CAB39L: variants seen among roughly 807,000 people sequenced by gnomAD.
CAB39L encodes calcium binding protein 39 like.
In CAB39L, 23 loss-of-function variants were observed where a neutral mutation model predicts 39.1. That is an observed-to-expected ratio of 0.59 (90% CI 0.42 to 0.83). The LOEUF (loss-of-function observed/expected upper bound fraction) is 0.83. CAB39L is among the 40% of genes least tolerant of loss of function. The pLI, the probability that CAB39L is intolerant of heterozygous loss-of-function variation, is 0.00. For synonymous variants in CAB39L, 126 were observed against 137.2 expected, an observed-to-expected ratio of 0.92 and a Z score of 0.57; for missense variants, 366 against 391.9, an observed-to-expected ratio of 0.93 and a Z score of 0.56.
chr13:49,328,228 G>A (rs544289981), intron 10 of CAB39L, among the ~76,000 whole-genome samples: 117 of 152,282 alleles, frequency 7.7e-4, no homozygotes, highest in African/African-American at 2.7e-3. Context: ...GTGTATGACA[G>A]CTCCCACTGC....
intron 10 of CAB39L, among the ~76,000 whole-genome samples, chr13:49,316,454 AACACT>A (rs1954160552): frequency 2.0e-5 from 3 of 152,220 alleles, no homozygotes; most frequent in Non-Finnish European, 4.4e-5. Flanking sequence ...AAGAAATGGG[AACACT>A]TCCTAACTTA....
chr13:49,414,947 A>T (rs1478553261), intron 3 of CAB39L, among the ~76,000 whole-genome samples: 3 of 152,206 alleles, frequency 2.0e-5, no homozygotes, highest in Non-Finnish European at 2.9e-5. Context: ...TAATCCCAGC[A>T]CTTTGGGAGG....
chr13:49,316,297 CAG>C (rs1401854500), intron 10 of CAB39L, among the ~76,000 whole-genome samples: 1 of 152,108 alleles, frequency 6.6e-6, no homozygotes, highest in African/African-American at 2.4e-5. Flanking sequence ...CAAGAAGAAA[CAG>C]AGAATCTGCA....
intron 1 of CAB39L, among the ~76,000 whole-genome samples, chr13:49,439,921 GTTTT>G (rs34993624): frequency 3.8e-5 from 3 of 78,584 alleles, no homozygotes; most frequent in Admixed American, 1.8e-4. Flanking sequence ...TTTTTAATGG[GTTTT>G]TTTTTTTTTT....
At chr13:49,348,919 C>A (rs1305068886) in intron 7 of CAB39L, among the ~76,000 whole-genome samples, 1 of 152,160 alleles carries the variant, frequency 6.6e-6, no homozygotes. Context: ...ACGCCCCGTC[C>A]CTCACCCTCC....
At chr13:49,345,725 G>C (rs1198503) in intron 7 of CAB39L, among the ~76,000 whole-genome samples, 66,021 of 151,714 alleles carry the variant, frequency 0.44, 15,026 homozygotes, top group Middle Eastern at 0.56. Flanking sequence ...GGCAGAGGGA[G>C]CCCCCTCTAT....
At chr13:49,391,871 C>G (rs901230280) in intron 3 of CAB39L, among the ~76,000 whole-genome samples, 1 of 151,620 alleles carries the variant, frequency 6.6e-6, no homozygotes, top group Non-Finnish European at 1.5e-5. Flanking sequence ...ATAAGAGCAA[C>G]CAATAATTAC....
At chr13:49,383,908 C>T (rs1265953130) in intron 3 of CAB39L, among the ~76,000 whole-genome samples, 1 of 152,192 alleles carries the variant, frequency 6.6e-6, no homozygotes, top group African/African-American at 2.4e-5. Flanking sequence ...GAGTCCTAAT[C>T]TTTTTGCTGG....
At chr13:49,344,383 C>G in intron 7 of CAB39L, 145 bp from the exon 8 acceptor site, 1 of 579,384 alleles carries the variant, frequency 1.7e-6, no homozygotes, top group Non-Finnish European at 3.0e-6. Context: ...CTAGCTTAGC[C>G]TAAGATGTGA....
At chr13:49,335,790 A>G (rs1386361584) in intron 9 of CAB39L, among the ~76,000 whole-genome samples, 1 of 152,196 alleles carries the variant, frequency 6.6e-6, no homozygotes, top group Non-Finnish European at 1.5e-5. Flanking sequence ...CACATGATGG[A>G]AAGGAATTTC....
intron 4 of CAB39L, among the ~76,000 whole-genome samples, chr13:49,378,587 G>A (rs1339240501): frequency 4.1e-5 from 3 of 73,078 alleles, no homozygotes; most frequent in African/African-American, 8.0e-5. Context: ...GGAGGGAGGT[G>A]GGGGGGTCAG....
At chr13:49,421,589 G>A (rs1033285712) in intron 3 of CAB39L, among the ~76,000 whole-genome samples, 3 of 152,046 alleles carry the variant, frequency 2.0e-5, no homozygotes, top group African/African-American at 7.3e-5. Context: ...GTTGAGTGCT[G>A]GACTTTCACC....
At chr13:49,363,472 T>A (rs972677082) in intron 5 of CAB39L, among the ~76,000 whole-genome samples, 3 of 151,984 alleles carry the variant, frequency 2.0e-5, no homozygotes, top group African/African-American at 7.3e-5. Flanking sequence ...TGCCTCATGG[T>A]AACCTCAAAT....
In CAB39L at chr13:49,355,940, A is replaced by G. The variant is rs559378324; in HGVS notation, c.395+3774T>C. Among the ~76,000 whole-genome samples the G allele has an allele frequency of 2.0e-5, 3 of 152,316 alleles. No individual in the cohort carries two copies. The South Asian group carries it at 6.2e-4, about 32-fold the overall frequency. The stretch of plus-strand genomic sequence containing the variant: ...TCTGGTATGAATTATACTTCAGAGT[A>G]TTCTAACACCTGAAGCTGTGGTGGG... On this transcript the variant is annotated intron_variant, in intron 6 of 10. Coordinates refer to ENST00000409308, the MANE Select transcript of CAB39L (RefSeq NM_001079670.3).
chr13:49,325,047 C>T (rs906572268), intron 10 of CAB39L, among the ~76,000 whole-genome samples: 1 of 152,068 alleles, frequency 6.6e-6, no homozygotes, highest in African/African-American at 2.4e-5. Flanking sequence ...CAAACAGAGC[C>T]GTAAGTAACA....
intron 3 of CAB39L, among the ~76,000 whole-genome samples, chr13:49,391,340 G>A (rs1214731995): frequency 6.6e-6 from 1 of 152,136 alleles, no homozygotes; most frequent in East Asian, 1.9e-4. Context: ...GGAAGATGGA[G>A]GAGAAACAGA....
chr13:49,390,302 G>A (rs1469283279), intron 3 of CAB39L, among the ~76,000 whole-genome samples: 4 of 152,082 alleles, frequency 2.6e-5, no homozygotes, highest in Non-Finnish European at 5.9e-5. Flanking sequence ...AGGCTGGAGT[G>A]CAGTGGCAGT....
rs1248964691 is a variant in CAB39L at position 49,378,261 on chromosome 13, T to TG, written c.112-1131dup. Among the ~76,000 whole-genome samples the TG allele has an allele frequency of 2.0e-3, 153 of 75,270 alleles. 40 individuals are homozygous for TG. The highest frequency in any genetic ancestry group is 4.8e-3 in the African/African-American group (59 of 12,248). 49.4% of individuals were successfully genotyped at this position (75,270 alleles called of 152,430 possible). On this transcript the variant is annotated intron_variant, in intron 4 of 10. Transcript: ENST00000409308. The stretch of plus-strand genomic sequence containing the variant: ...GCAGCCACCCCGTCAGGGAGGGAGG[T>TG]GGGGGGGGGTCAACCCCCCGCCCGG...
At chr13:49,360,626 T>C (rs1028933642) in intron 5 of CAB39L, among the ~76,000 whole-genome samples, 2 of 152,216 alleles carry the variant, frequency 1.3e-5, no homozygotes, top group Admixed American at 6.5e-5. Flanking sequence ...GGTTTGGCTC[T>C]GTGTCCTCAC....
Sources: gnomAD v4.1 joint callset for allele counts (sites outside exome capture counted in the v4.1 genomes callset) on GRCh38, gnomAD v4.1.1 for gene constraint, MANE v1.5 for transcripts, NCBI Gene and HGNC (gene_info 2026-07-23, HGNC 2026-07-21) for gene names.